Variants in PCDHGB3 observed in about 807,000 individuals in gnomAD.
PCDHGB3 encodes the protein protocadherin gamma subfamily B, 3.
In PCDHGB3, 40 loss-of-function variants were observed where a neutral mutation model predicts 59.2. That is an observed-to-expected ratio of 0.68 (90% CI 0.52 to 0.88). The LOEUF (loss-of-function observed/expected upper bound fraction) is 0.88, where lower values mean the gene tolerates loss of function less well. PCDHGB3 is among the 40% of genes least tolerant of loss of function. The pLI is 0.00. For missense variants in PCDHGB3, 1,309 were observed against 1,187.9 expected, an observed-to-expected ratio of 1.10 and a Z score of -1.50; for synonymous variants, 581 against 503.6, an observed-to-expected ratio of 1.15 and a Z score of -2.06.
intron 2 of PCDHGB3, 76 bp from the exon 3 acceptor site, chr5:141,505,317 G>T: frequency 6.2e-7 from 1 of 1,603,092 alleles, no homozygotes. Flanking sequence ...AGGTTTGGGA[G>T]CCCTGGGAGA....
chr5:141,487,884 A>G lies in PCDHGB3; in HGVS notation c.2416-6923A>G. 1.3e-6 allele frequency: 1 copy of G among 766,716 alleles called. No homozygotes were observed. Among genetic ancestry groups the G allele is most frequent in the Non-Finnish European group, 2.1e-6 (1 of 481,170 alleles). 47.5% of individuals were successfully genotyped at this position (766,716 alleles called of 1,614,324 possible). On this transcript the variant is annotated intron_variant, in intron 1 of 3. Transcript: ENST00000576222. The surrounding 1 kb of genome is among the most constrained non-coding windows in gnomAD (Gnocchi z 5.0). ...GTGATCAAGAGCCAGGCTGTTGTGG[A>G]AGCATGATGATGGAATGTGGGAGCA...
At chr5:141,389,571 C>T (rs2091830159) in intron 1 of PCDHGB3, 2 of 1,613,136 alleles carry the variant, frequency 1.2e-6, no homozygotes, top group East Asian at 2.2e-5. Context: ...GGTGCTGTAC[C>T]CCGCGCTGGG....
At chr5:141,417,646 C>A in intron 1 of PCDHGB3, 2 of 797,870 alleles carry the variant, frequency 2.5e-6, no homozygotes, top group Non-Finnish European at 3.8e-6. Context: ...GATCCCTCAG[C>A]CTCTAGCCTG....
chr5:141,374,277 G>A, intron 1 of PCDHGB3: 4 of 1,613,958 alleles, frequency 2.5e-6, no homozygotes, highest in Non-Finnish European at 3.4e-6. Context: ...CACGGAGTCC[G>A]CATCGTCTCC....
At chr5:141,421,363 G>T (rs749916401) in intron 1 of PCDHGB3, 2 of 1,613,898 alleles carry the variant, frequency 1.2e-6, no homozygotes, top group South Asian at 2.2e-5. Flanking sequence ...GGGCTCCTTC[G>T]TGGGCAATAT....
rs926814527 is a variant in PCDHGB3 at position 141,388,113 on chromosome 5, G to A, written c.2415+15304G>A. 7 of 1,412,244 alleles carry A rather than the reference G, an allele frequency of 5.0e-6. No individual in the cohort carries two copies. Among genetic ancestry groups the A allele is most frequent in the African/African-American group, 4.3e-5 (3 of 69,434 alleles). 87.5% of individuals were successfully genotyped at this position (1,412,244 alleles called of 1,614,324 possible). On this transcript the variant is annotated intron_variant, in intron 1 of 3. Transcript: ENST00000576222. ...CAGTTCGGAGAAGCCTTACTTCACCGTGAGCGCAGAGAGCGGGGAGTTGCT... is the reference window on the plus strand; with the variant it reads ...CAGTTCGGAGAAGCCTTACTTCACCATGAGCGCAGAGAGCGGGGAGTTGCT...
At chr5:141,374,754 G>C (rs1770811216) in intron 1 of PCDHGB3, 6 of 1,612,936 alleles carry the variant, frequency 3.7e-6, no homozygotes, top group Non-Finnish European at 4.2e-6. Context: ...GTCCGCTCAA[G>C]CGTCGCCCAA....
At chr5:141,386,521 A>AT (rs1458324675) in intron 1 of PCDHGB3, among the ~76,000 whole-genome samples, 1 of 232 alleles carries the variant, frequency 4.3e-3, no homozygotes, top group African/African-American at 0.013. Context: ...TCAAAAAAAG[A>AT]CTCTTTTTAG....
At chr5:141,508,792 C>T (rs1198342551) in intron 3 of PCDHGB3, among the ~76,000 whole-genome samples, 3 of 152,130 alleles carry the variant, frequency 2.0e-5, no homozygotes, top group Admixed American at 6.5e-5. Flanking sequence ...CTAAATCACT[C>T]TGGAATCCTG....
At chr5:141,390,882 G>A (rs892294372) in intron 1 of PCDHGB3, 2 of 152,824 alleles carry the variant, frequency 1.3e-5, no homozygotes, top group Non-Finnish European at 2.9e-5. Flanking sequence ...GTGTGTGTGT[G>A]TGTGTGAGAG....
intron 1 of PCDHGB3, chr5:141,405,187 G>T (rs372851700): frequency 9.3e-6 from 15 of 1,613,480 alleles, no homozygotes; most frequent in Non-Finnish European, 1.3e-5. Flanking sequence ...GTGTAGATGG[G>T]GTTCGAGCTT....
At chr5:141,410,715 GTT>G (rs2154543204) in intron 1 of PCDHGB3, 19 of 1,422,782 alleles carry the variant, frequency 1.3e-5, no homozygotes, top group Non-Finnish European at 1.8e-5. Context: ...AGAATCATAT[GTT>G]TAAAATCCAT....
At position 141,487,855 on chromosome 5, in the gene PCDHGB3, A is replaced by G. The variant is rs1033833406; in HGVS notation, c.2416-6952A>G. The G allele has an allele frequency of 2.1e-6, 2 of 974,092 alleles. No homozygotes were observed. Among genetic ancestry groups the G allele is most frequent in the Non-Finnish European group, 3.0e-6 (2 of 668,870 alleles). The allele number at this position is 974,092 out of a possible 1,614,324, so 60.3% of individuals were successfully genotyped here. Reference sequence around the variant, plus strand: ...TATATCTGAGTAAGAAATGAAAGTAATTGGTGATCAAGAGCCAGGCTGTTG... The same window carrying G: ...TATATCTGAGTAAGAAATGAAAGTAGTTGGTGATCAAGAGCCAGGCTGTTG... On this transcript the variant is annotated intron_variant, in intron 1 of 3. Transcript: ENST00000576222. The surrounding 1 kb of genome is among the most constrained non-coding windows in gnomAD (Gnocchi z 5.0).
chr5:141,383,961 C>CT, intron 1 of PCDHGB3: 1 of 1,613,356 alleles, frequency 6.2e-7, no homozygotes, highest in Non-Finnish European at 8.5e-7. Context: ...CTTTAAGTAG[C>CT]TCAATCCCTG....
Position 141,485,298 on chromosome 5 carries a change from G to A in PCDHGB3, c.2416-9509G>A, listed in dbSNP as rs1562104502. 1 of 1,613,978 alleles carries A rather than the reference G, an allele frequency of 6.2e-7. No individual in the cohort carries two copies. On this transcript the variant is annotated intron_variant, in intron 1 of 3. Coordinates refer to ENST00000576222, the MANE Select transcript of PCDHGB3 (RefSeq NM_018924.5). This position sits in a 1 kb window ranked among gnomAD's most constrained non-coding sequence, Gnocchi z 5.7. ...CCGGTCCCAGAGGAGTCACAGGAAG[G>A]GACTTTTGTAGGGAATGTCGCTCAA...
At chr5:141,462,474 C>T (rs2099040477) in intron 1 of PCDHGB3, among the ~76,000 whole-genome samples, 1 of 151,994 alleles carries the variant, frequency 6.6e-6, no homozygotes, top group South Asian at 2.1e-4. Flanking sequence ...TATTCTGCTT[C>T]TCGTGGTTGT....
At position 141,486,548 on chromosome 5, in the gene PCDHGB3, T is replaced by C; in HGVS notation, c.2416-8259T>C. 1 of 1,614,100 alleles carries C rather than the reference T, an allele frequency of 6.2e-7. No individual in the cohort carries two copies. ...TAATCCACCCTCTTTCTTTCAGAGG[T>C]CACATGAGGTGTTTGTTCCTGAGAA... is the stretch of plus-strand genomic sequence containing the variant. On this transcript the variant is annotated intron_variant, in intron 1 of 3. Coordinates refer to ENST00000576222, the MANE Select transcript of PCDHGB3 (RefSeq NM_018924.5). The surrounding 1 kb of genome is among the most constrained non-coding windows in gnomAD (Gnocchi z 5.0).
At chr5:141,414,288 C>T (rs368826232) in intron 1 of PCDHGB3, 40 of 1,613,502 alleles carry the variant, frequency 2.5e-5, no homozygotes, top group South Asian at 4.4e-5. Context: ...CAGTCGTAGC[C>T]CTTTTAAATG....
chr5:141,384,191 C>T (rs376661364), intron 1 of PCDHGB3: 30 of 1,613,842 alleles, frequency 1.9e-5, no homozygotes, highest in Non-Finnish European at 2.5e-5. Context: ...GGAACTCCTC[C>T]CTTGTCCAGG....
Sources: allele counts gnomAD v4.1 joint callset (sites outside exome capture counted in the v4.1 genomes callset), GRCh38; gene constraint gnomAD v4.1.1; non-coding constraint Gnocchi (gnomAD v3.1); transcripts MANE v1.5; gene names NCBI Gene and HGNC (gene_info 2026-07-23, HGNC 2026-07-21).